LVRN: variants seen among roughly 807,000 people sequenced by gnomAD.
LVRN encodes aminopeptidase Q.
Under a neutral mutation model 111.4 loss-of-function variants are expected in LVRN, and 99 were observed. That is an observed-to-expected ratio of 0.89 (90% CI 0.76 to 1.05). LVRN has a LOEUF of 1.05. LVRN is among the 50% of genes least tolerant of loss of function. The pLI is 0.00. For synonymous variants in LVRN, 488 were observed against 449.5 expected (o/e 1.09, Z -1.08); for missense variants, 1,414 against 1,206.8 (o/e 1.17, Z -2.54).
At chr5:116,022,238 G>C in intron 18 of LVRN, 153 bp from the exon 19 acceptor site, 1 of 577,336 alleles carries the variant, frequency 1.7e-6, no homozygotes, top group Non-Finnish European at 3.1e-6. Flanking sequence ...TCTATTAAAA[G>C]ATGAAGCTAA....
At chr5:115,995,955 T>C (rs896228663) in intron 6 of LVRN, among the ~76,000 whole-genome samples, 1 of 150,926 alleles carries the variant, frequency 6.6e-6, no homozygotes, top group African/African-American at 2.4e-5. Flanking sequence ...ATCGTGTGTG[T>C]GTGTGTGTGT....
rs968356651 is a variant in LVRN at position 115,965,929 on chromosome 5, C to T, written c.695+2617C>T. Among the ~76,000 whole-genome samples, 10 of 152,206 alleles carry T rather than the reference C, an allele frequency of 6.6e-5. No homozygotes were observed. In the South Asian group the frequency reaches 1.5e-3, roughly 22 times the overall value. ...GTATTTCTTCATAGCAGCATGAGTA[C>T]GGACTAATATGGTATCTCATACTTT... is the stretch of plus-strand genomic sequence containing the variant. On this transcript the variant is annotated intron_variant, in intron 1 of 19. Transcript: ENST00000357872.
At chr5:115,980,769 G>A (rs1753544960) in intron 1 of LVRN, among the ~76,000 whole-genome samples, 1 of 151,992 alleles carries the variant, frequency 6.6e-6, no homozygotes, top group South Asian at 2.1e-4. Flanking sequence ...AAAAATACAT[G>A]AGCATGTATT....
chr5:115,987,277 A>G (rs1375674071), intron 3 of LVRN, among the ~76,000 whole-genome samples: 1 of 152,224 alleles, frequency 6.6e-6, no homozygotes, highest in Non-Finnish European at 1.5e-5. Context: ...ATTATGAGAC[A>G]TTTGATGAAC....
At chr5:115,986,597 A>T (rs755308882) in intron 3 of LVRN, among the ~76,000 whole-genome samples, 1 of 152,202 alleles carries the variant, frequency 6.6e-6, no homozygotes, top group Non-Finnish European at 1.5e-5. Flanking sequence ...TACAAAGTTA[A>T]TGGGTCCATT....
chr5:116,025,623 G>T (rs926692245), intron 19 of LVRN, among the ~76,000 whole-genome samples: 5 of 152,264 alleles, frequency 3.3e-5, no homozygotes, highest in African/African-American at 9.6e-5. Context: ...TTTCTTTTGA[G>T]ATTTTTAAAA....
chr5:115,986,115 A>G (rs1747859236), intron 3 of LVRN, among the ~76,000 whole-genome samples: 2 of 152,220 alleles, frequency 1.3e-5, no homozygotes, highest in Admixed American at 6.5e-5. Context: ...TGAATTAATA[A>G]TACCGTTTTA....
intron 2 of LVRN, among the ~76,000 whole-genome samples, 172 bp downstream of exon 2, chr5:115,983,601 G>C (rs1747769943): frequency 6.6e-6 from 1 of 152,122 alleles, no homozygotes; most frequent in African/African-American, 2.4e-5. Flanking sequence ...CCTTGGAGAT[G>C]GTAAATCCTG....
rs79439157 is a variant in LVRN, at chr5:116,006,751, A to G, written c.2093+784A>G. 6.8e-3 allele frequency among the ~76,000 whole-genome samples: 1,031 copies of G among 152,322 alleles called. 13 individuals carry two copies. The highest frequency in any genetic ancestry group is 0.023 in the African/African-American group (967 of 41,572). On this transcript the variant is annotated intron_variant, in intron 13 of 19. Transcript: ENST00000357872. Reference sequence around the variant, plus strand: ...TATTACGTATCTGTAGAGTGCCAGCAGATGTAAGGTCCTCAGTAAATGTTT... The same window carrying G: ...TATTACGTATCTGTAGAGTGCCAGCGGATGTAAGGTCCTCAGTAAATGTTT...
At chr5:116,019,714 G>C (rs561216857) in intron 18 of LVRN, among the ~76,000 whole-genome samples, 3 of 152,300 alleles carry the variant, frequency 2.0e-5, no homozygotes, top group Admixed American at 2.0e-4. Flanking sequence ...TACGAGCAGA[G>C]GGGCTTTGCG....
chr5:116,003,917 C>CA (rs1306480877), intron 12 of LVRN, among the ~76,000 whole-genome samples: 1 of 152,124 alleles, frequency 6.6e-6, no homozygotes, highest in East Asian at 1.9e-4. Context: ...TTTGCTTTTC[C>CA]AAAACAACCT....
At chr5:115,985,868 A>C (rs2112575184) in intron 3 of LVRN, among the ~76,000 whole-genome samples, 1 of 152,336 alleles carries the variant, frequency 6.6e-6, no homozygotes, top group East Asian at 1.9e-4. Context: ...CGTAGACTTC[A>C]TCAAGCTGAG....
At chr5:115,985,863 A>T (rs986464984) in intron 3 of LVRN, among the ~76,000 whole-genome samples, 1 of 152,190 alleles carries the variant, frequency 6.6e-6, no homozygotes, top group African/African-American at 2.4e-5. Flanking sequence ...AGACACGTAG[A>T]CTTCATCAAG....
intron 4 of LVRN, 37 bp from the exon 5 acceptor site, chr5:115,992,086 G>T (rs972662313): frequency 6.7e-5 from 104 of 1,543,674 alleles, no homozygotes; most frequent in Non-Finnish European, 8.9e-5. Context: ...TTTTGGAAAA[G>T]ATTATTTTAT....
rs1748859429 is a variant in LVRN, at chr5:116,026,186, A to G, written c.*68A>G. ...AGTTTGTTCACAGTTTTGTCTTCCA[A>G]TACTTTGTGAGTCTGGAAAACCACA... On this transcript the variant is annotated 3_prime_UTR_variant, in exon 20 of 20. Coordinates refer to ENST00000357872, the MANE Select transcript of LVRN (RefSeq NM_173800.5). 10 of 1,591,596 alleles carry G rather than the reference A, an allele frequency of 6.3e-6. No homozygotes were observed. The highest frequency in any genetic ancestry group is 8.6e-6 in the Non-Finnish European group (10 of 1,166,838).
chr5:115,977,988 A>C (rs572138727), intron 1 of LVRN, among the ~76,000 whole-genome samples: 1 of 152,368 alleles, frequency 6.6e-6, no homozygotes, highest in East Asian at 1.9e-4. Flanking sequence ...TAGTTGGTGA[A>C]AATTAGGATA....
intron 12 of LVRN, among the ~76,000 whole-genome samples, chr5:116,004,129 G>C (rs1347172076): frequency 6.6e-6 from 1 of 152,162 alleles, no homozygotes; most frequent in Non-Finnish European, 1.5e-5. Context: ...GTAAATGCTA[G>C]AAAATACTAA....
At chr5:115,978,876 A>G (rs1384239363) in intron 1 of LVRN, among the ~76,000 whole-genome samples, 1 of 152,100 alleles carries the variant, frequency 6.6e-6, no homozygotes, top group East Asian at 1.9e-4. Flanking sequence ...CACTGTTGTC[A>G]TTTGGTCTCA....
Position 116,010,894 on chromosome 5 carries a change from G to A in LVRN, c.2247G>A (p.Lys749=). Reference sequence around the variant, plus strand: ...TCTATGATATATACTCATTATTAAAGGTAATTTCATTCTTTCTTATGTAGT... The same window carrying A: ...TCTATGATATATACTCATTATTAAAAGTAATTTCATTCTTTCTTATGTAGT... The part of the protein sequence containing the change: ...VNIYDIYSLL[K]RYLLKRLNLI... Residue 749 remains lysine (K), a splice_region_variant and synonymous_variant, in exon 14 of 20, where the codon AAG becomes AAA. Transcript: ENST00000357872. 6.5e-7 allele frequency: 1 copy of A among 1,546,326 alleles called. No individual in the cohort carries two copies. Among genetic ancestry groups the A allele is most frequent in the Non-Finnish European group, 8.7e-7 (1 of 1,151,024 alleles).
Sources: allele counts gnomAD v4.1 joint callset (sites outside exome capture counted in the v4.1 genomes callset), GRCh38; gene constraint gnomAD v4.1.1; transcripts MANE v1.5; gene names NCBI Gene and HGNC (gene_info 2026-07-23, HGNC 2026-07-21).